SLC25A27: variants seen among roughly 807,000 people sequenced by gnomAD.
The protein encoded by SLC25A27 is solute carrier family 25 member 27.
In SLC25A27, 35 loss-of-function variants were observed where a neutral mutation model predicts 49.1. The ratio of observed to expected loss-of-function variants is 0.71; its 90% CI spans 0.54 to 0.95. The LOEUF (loss-of-function observed/expected upper bound fraction) is 0.95. SLC25A27 is among the 40% of genes least tolerant of loss of function. The probability of loss-of-function intolerance (pLI) is 0.00; values close to 1 mark genes in which losing one functional copy is unlikely to be tolerated. For synonymous variants in SLC25A27, 144 were observed against 136.9 expected (o/e 1.05, Z -0.36); for missense variants, 339 against 397.1 (o/e 0.85, Z 1.24).
At chr6:46,653,391 A>G (rs1221029457) in intron 1 of SLC25A27, 93 bp downstream of exon 1, 17 of 1,464,944 alleles carry the variant, frequency 1.2e-5, no homozygotes, top group Non-Finnish European at 1.4e-5. Flanking sequence ...GGCAGTGCGC[A>G]TCGGAGAGGT....
rs780455077 is a variant in SLC25A27, at chr6:46,653,183, C to G, written c.-10C>G. The G allele has an allele frequency of 6.2e-7, 1 of 1,611,014 alleles. No homozygotes were observed. Among genetic ancestry groups the G allele is most frequent in the African/African-American group, 1.3e-5 (1 of 74,982 alleles). On this transcript the variant is annotated 5_prime_UTR_variant, in exon 1 of 9. Coordinates refer to ENST00000371347, the MANE Select transcript of SLC25A27 (RefSeq NM_004277.5). Reference sequence around the variant, plus strand: ...AGAAGGAGTGCGTTATCGTCTTGCGCTACTGCTGAATGTCCGTCCCGGAGG... The same window carrying G: ...AGAAGGAGTGCGTTATCGTCTTGCGGTACTGCTGAATGTCCGTCCCGGAGG...
chr6:46,678,077 C>G lies in SLC25A27; in HGVS notation c.*1623C>G, dbSNP rs1423389178. The G allele has an allele frequency of 1.1e-5, 1 of 91,090 alleles. No individual in the cohort carries two copies. Among genetic ancestry groups the G allele is most frequent in the Admixed American group, 1.1e-4 (1 of 8,722 alleles). The allele number at this position is 91,090 out of a possible 1,614,324, so 5.6% of individuals were successfully genotyped here. On this transcript the variant is annotated 3_prime_UTR_variant, in exon 9 of 9. Transcript: ENST00000371347. ...ATATATATATATATGCTTAACTTCC[C>G]AAGTGTTCTGCATTGAACCACTTAG...
chr6:46,662,174 A>C (rs1398201325), intron 3 of SLC25A27, among the ~76,000 whole-genome samples: 1 of 152,070 alleles, frequency 6.6e-6, no homozygotes, highest in Admixed American at 6.5e-5. Flanking sequence ...TAAGGCCTGA[A>C]ATTTTCACTC....
At chr6:46,653,351 G>A (rs1483092168) in intron 1 of SLC25A27, 53 bp downstream of exon 1, 2 of 1,551,298 alleles carry the variant, frequency 1.3e-6, no homozygotes, top group African/African-American at 2.7e-5. Flanking sequence ...GCGCCGCGCT[G>A]GGGGAGGGTG....
chr6:46,676,612 C>T lies in SLC25A27; in HGVS notation c.*158C>T, dbSNP rs750862782. On this transcript the variant is annotated 3_prime_UTR_variant, in exon 9 of 9. Transcript: ENST00000371347. ...CAGCACTTTATTTTTTTCTGGAAAC[C>T]CAAGTTCTCTTTGACTCCTCTTTTT... The T allele has an allele frequency of 6.4e-7, 1 of 1,552,498 alleles. No individual in the cohort carries two copies. The highest frequency in any genetic ancestry group is 8.7e-7 in the Non-Finnish European group (1 of 1,147,512).
chr6:46,670,068 A>C, intron 6 of SLC25A27, 67 bp from the exon 7 acceptor site: 1 of 938,036 alleles, frequency 1.1e-6, no homozygotes, highest in Non-Finnish European at 1.6e-6. Context: ...TCTGAATACC[A>C]CATTCCCTTT....
At chr6:46,676,237 C>T (rs1763781764) in intron 8 of SLC25A27, 146 bp from the exon 9 acceptor site, 1 of 615,926 alleles carries the variant, frequency 1.6e-6, no homozygotes, top group Admixed American at 3.2e-5. Context: ...ATTATAAAGT[C>T]CTTTACAAAG....
In SLC25A27 at chr6:46,677,414, TTTC is replaced by T. The variant is rs1302227678; in HGVS notation, c.*963_*965del. The T allele has an allele frequency of 9.9e-5, 15 of 152,184 alleles. No individual in the cohort carries two copies. The highest frequency in any genetic ancestry group is 3.1e-4 in the African/African-American group (13 of 41,440). 9.4% of individuals were successfully genotyped at this position (152,184 alleles called of 1,614,324 possible). On this transcript the variant is annotated 3_prime_UTR_variant, in exon 9 of 9. Transcript: ENST00000371347. ...AGTCAGCCAACTCTGACATGCGTCC[TTTC>T]TTATCTCCCTTACCTGACACTAGGG...
rs1259814364 is a variant in SLC25A27, at chr6:46,653,151, A to C, written c.-42A>C. 4 of 1,554,748 alleles carry C rather than the reference A, an allele frequency of 2.6e-6. No individual in the cohort carries two copies. The highest frequency in any genetic ancestry group is 8.8e-7 in the Non-Finnish European group (1 of 1,131,150). On this transcript the variant is annotated 5_prime_UTR_variant, in exon 1 of 9. Transcript: ENST00000371347. The stretch of plus-strand genomic sequence containing the variant: ...CGGCCGCCGCGGCGCGGTGCAGCGC[A>C]GCGGCGAGAAGGAGTGCGTTATCGT...
intron 1 of SLC25A27, chr6:46,653,751 T>C: frequency 1.0e-6 from 1 of 985,298 alleles, no homozygotes; most frequent in Non-Finnish European, 1.2e-6. Context: ...AACCTGCCAC[T>C]CACAGAGCAT....
At chr6:46,670,358 T>C (rs1763484150) in intron 7 of SLC25A27, 131 bp downstream of exon 7, 1 of 630,102 alleles carries the variant, frequency 1.6e-6, no homozygotes, top group Non-Finnish European at 2.8e-6. Flanking sequence ...AGCGCATTTT[T>C]TTTATGCAAT....
intron 1 of SLC25A27, chr6:46,653,623 C>G: frequency 1.0e-6 from 1 of 985,350 alleles, no homozygotes. Context: ...TTTTTAAAAA[C>G]GTAATCTGTT....
chr6:46,655,051 G>T (rs1762928900), intron 1 of SLC25A27, among the ~76,000 whole-genome samples: 1 of 152,148 alleles, frequency 6.6e-6, no homozygotes. Flanking sequence ...TAAAAGGTCT[G>T]TATCTAATTT....
At chr6:46,666,965 G>C (rs1763345885) in intron 5 of SLC25A27, among the ~76,000 whole-genome samples, 2 of 151,820 alleles carry the variant, frequency 1.3e-5, no homozygotes, top group South Asian at 4.2e-4. Flanking sequence ...TCCATTCCTG[G>C]AGCCATTCTG....
chr6:46,671,043 T>G, intron 7 of SLC25A27, 83 bp from the exon 8 acceptor site: 1 of 1,007,086 alleles, frequency 9.9e-7, no homozygotes, highest in Admixed American at 2.4e-5. Flanking sequence ...ATTTAATTTT[T>G]ATAAGATTCC....
intron 5 of SLC25A27, among the ~76,000 whole-genome samples, chr6:46,666,862 CTT>C (rs1763342161): frequency 6.6e-6 from 1 of 152,044 alleles, no homozygotes; most frequent in African/African-American, 2.4e-5. Flanking sequence ...ATTTTTGGCT[CTT>C]CTCTTTCATT....
chr6:46,662,716 C>G (rs1390384528), intron 4 of SLC25A27, among the ~76,000 whole-genome samples: 1 of 152,130 alleles, frequency 6.6e-6, no homozygotes, highest in Non-Finnish European at 1.5e-5. Flanking sequence ...GTGTAATGTT[C>G]TTTGCTGCTT....
chr6:46,654,229 A>C, intron 1 of SLC25A27: 1 of 616,610 alleles, frequency 1.6e-6, no homozygotes. Flanking sequence ...AAAAAATAAA[A>C]AGAACAGTTC....
Position 46,668,619 on chromosome 6 carries a change from G to C in SLC25A27, c.620-90G>C, listed in dbSNP as rs1763401438. On this transcript the variant is annotated intron_variant, in intron 5 of 8. Transcript: ENST00000371347. ...GGATTCCTTGGTAGCTTTCATCCTGGTACACATTCCTGCCCCAAGCCTAGC... is the reference window on the plus strand; with the variant it reads ...GGATTCCTTGGTAGCTTTCATCCTGCTACACATTCCTGCCCCAAGCCTAGC... 9 of 746,248 alleles carry C rather than the reference G, an allele frequency of 1.2e-5. No homozygotes were observed. In the South Asian group the frequency reaches 1.3e-4, roughly 11 times the overall value. The allele number at this position is 746,248 out of a possible 1,614,324, so 46.2% of individuals were successfully genotyped here. A position where few individuals can be genotyped will look rare whatever the true frequency, so the allele number is the denominator to read the frequency against.
Sources: allele counts gnomAD v4.1 joint callset (sites outside exome capture counted in the v4.1 genomes callset), GRCh38; gene constraint gnomAD v4.1.1; transcripts MANE v1.5; gene names NCBI Gene and HGNC (gene_info 2026-07-23, HGNC 2026-07-21).